Variants in SMC6 observed in about 807,000 individuals in gnomAD.
The protein encoded by SMC6 is structural maintenance of chromosomes 6, also known as structural maintenance of chromosomes protein 6.
Under a neutral mutation model 142.2 loss-of-function variants are expected in SMC6, and 79 were observed. The ratio of observed to expected loss-of-function variants is 0.56; its 90% confidence interval spans 0.46 to 0.67. SMC6 has a LOEUF of 0.67. SMC6 is among the 30% of genes least tolerant of loss of function. The probability of loss-of-function intolerance (pLI) is 0.00; values close to 1 mark genes in which losing one functional copy is unlikely to be tolerated. For missense variants in SMC6, 1,072 were observed against 1,284.0 expected (o/e 0.83, Z 2.52); for synonymous variants, 411 against 412.4 (o/e 1.00, Z 0.04).
chr2:17,734,834 T>C (rs1326417748), intron 5 of SMC6, among the ~76,000 whole-genome samples: 4 of 152,070 alleles, frequency 2.6e-5, no homozygotes, highest in African/African-American at 7.2e-5. Context: ...CAGGTTCAAA[T>C]GATTCTCCTG....
intron 25 of SMC6, among the ~76,000 whole-genome samples, chr2:17,673,720 C>A (rs964016494): frequency 5.3e-5 from 8 of 151,606 alleles, no homozygotes; most frequent in Non-Finnish European, 1.2e-4. Context: ...CAGGCATGTG[C>A]CACCATGCCC....
At chr2:17,685,899 T>C (rs1558333343) in intron 23 of SMC6, among the ~76,000 whole-genome samples, 2 of 151,960 alleles carry the variant, frequency 1.3e-5, no homozygotes, top group South Asian at 2.1e-4. Flanking sequence ...TATCTATATA[T>C]ATATATGTTA....
intron 24 of SMC6, 80 bp from the exon 25 acceptor site, chr2:17,679,044 G>A (rs1667127642): frequency 1.1e-6 from 1 of 882,004 alleles, no homozygotes; most frequent in Non-Finnish European, 1.7e-6. Flanking sequence ...CTAAGCATGT[G>A]AGAAAACCAG....
intron 23 of SMC6, among the ~76,000 whole-genome samples, chr2:17,684,754 A>T (rs1329678005): frequency 6.6e-6 from 1 of 152,144 alleles, no homozygotes; most frequent in African/African-American, 2.4e-5. Context: ...TGAACCCAGA[A>T]GTTCAAGGCT....
chr2:17,665,434 A>T lies in SMC6; in HGVS notation c.*65T>A. The stretch of plus-strand genomic sequence containing the variant: ...CCAGTCTCATTTTATTATATCAAAG[A>T]GTCCAGAATTTTTTTTCCCTTCACA... On this transcript the variant is annotated 3_prime_UTR_variant, in exon 28 of 28. Coordinates refer to ENST00000448223, the MANE Select transcript of SMC6 (RefSeq NM_001142286.2). 1 of 1,010,816 alleles carries T rather than the reference A, an allele frequency of 9.9e-7. No homozygotes were observed. Among genetic ancestry groups the T allele is most frequent in the South Asian group, 1.8e-5 (1 of 54,322 alleles). The allele number at this position is 1,010,816 out of a possible 1,614,324, so 62.6% of individuals were successfully genotyped here.
chr2:17,698,804 T>C (rs1668130871), intron 21 of SMC6, among the ~76,000 whole-genome samples: 1 of 152,110 alleles, frequency 6.6e-6, no homozygotes, highest in South Asian at 2.1e-4. Context: ...AAGGATTCCA[T>C]CTCGATTTAT....
chr2:17,684,409 C>G (rs960575135), intron 23 of SMC6, among the ~76,000 whole-genome samples: 1 of 152,112 alleles, frequency 6.6e-6, no homozygotes, highest in Non-Finnish European at 1.5e-5. Flanking sequence ...GGCACAGCAT[C>G]CAGATATTTA....
intron 16 of SMC6, chr2:17,713,495 G>A (rs1188860548): frequency 2.1e-6 from 1 of 471,132 alleles, no homozygotes; most frequent in East Asian, 6.9e-5. Context: ...TGCCAGCAAG[G>A]CAGTGCCAGG....
At chr2:17,666,702 G>A (rs771485488) in intron 26 of SMC6, among the ~76,000 whole-genome samples, 185 bp from the exon 27 acceptor site, 2 of 152,114 alleles carry the variant, frequency 1.3e-5, no homozygotes, top group African/African-American at 4.8e-5. Flanking sequence ...GAGAAAATTG[G>A]CTGGGTGCAG....
At chr2:17,674,841 T>G (rs1164295327) in intron 25 of SMC6, among the ~76,000 whole-genome samples, 6 of 152,148 alleles carry the variant, frequency 3.9e-5, no homozygotes, top group Non-Finnish European at 7.4e-5. Context: ...CCAGCTTCCC[T>G]TTGGCTAATG....
intron 5 of SMC6, among the ~76,000 whole-genome samples, chr2:17,734,095 C>T (rs566004728): frequency 4.5e-4 from 68 of 152,120 alleles, no homozygotes; most frequent in African/African-American, 1.6e-3. Flanking sequence ...AGGAGAGTTG[C>T]AGAACAAACC....
chr2:17,735,462 A>G (rs1175030506), intron 5 of SMC6, among the ~76,000 whole-genome samples: 2 of 152,258 alleles, frequency 1.3e-5, no homozygotes, highest in South Asian at 4.1e-4. Context: ...CTCATCTGTA[A>G]TAAGTTCTGT....
chr2:17,715,874 TC>T (rs1669060568), intron 15 of SMC6, among the ~76,000 whole-genome samples: 1 of 152,192 alleles, frequency 6.6e-6, no homozygotes, highest in African/African-American at 2.4e-5. Context: ...AAGAATCAAA[TC>T]ATTCAACTCT....
Position 17,745,813 on chromosome 2 carries a change from A to C in SMC6, c.120+14T>G, listed in dbSNP as rs1395557602. 1 of 1,590,472 alleles carries C rather than the reference A, an allele frequency of 6.3e-7. No homozygotes were observed. Among genetic ancestry groups the C allele is most frequent in the East Asian group, 2.3e-5 (1 of 44,058 alleles). The stretch of plus-strand genomic sequence containing the variant: ...AACATATCAAAAAGCATAATTTTGT[A>C]ATTTTTCGCTTACCAAAGTAGTACC... On this transcript the variant is annotated intron_variant, in intron 3 of 27. Coordinates refer to ENST00000448223, the MANE Select transcript of SMC6 (RefSeq NM_001142286.2).
intron 2 of SMC6, among the ~76,000 whole-genome samples, chr2:17,749,589 G>A (rs1670921595): frequency 6.6e-6 from 1 of 152,152 alleles, no homozygotes; most frequent in South Asian, 2.1e-4. Context: ...TCAGGAGGCT[G>A]AGGCAGAAGA....
chr2:17,725,290 T>G lies in SMC6; in HGVS notation c.693A>C (p.Glu231Asp). Reference protein sequence around the residue: ...EDYSYIMETKERTKEQIHQGE... With the variant: ...EDYSYIMETKDRTKEQIHQGE... The stretch of plus-strand genomic sequence containing the variant: ...CTTGATGTATCTGCTCCTTTGTTCT[T>G]TCTTTCGTTTCCATAATGTATGAAT... The change falls in exon 9 of 28, where the codon GAA becomes GAC. Residue 231 changes from glutamate (E) to aspartate (D), a missense_variant. Coordinates refer to ENST00000448223, the MANE Select transcript of SMC6 (RefSeq NM_001142286.2). 1 of 1,608,836 alleles carries G rather than the reference T, an allele frequency of 6.2e-7. No homozygotes were observed. The highest frequency in any genetic ancestry group is 8.5e-7 in the Non-Finnish European group (1 of 1,178,834).
intron 24 of SMC6, 50 bp downstream of exon 24, chr2:17,683,588 G>A: frequency 6.7e-7 from 1 of 1,483,268 alleles, no homozygotes. Context: ...TATGAAAACA[G>A]AGAAACACAA....
rs533189273 is a variant in SMC6, at chr2:17,673,291, T to C, written c.2911-2716A>G. ...AATTCTAGGTAAGTCTTTTGTTGCA[T>C]GTATGCATCACAAATATCTTTTCCT... is the stretch of plus-strand genomic sequence containing the variant. On this transcript the variant is annotated intron_variant, in intron 25 of 27. Transcript: ENST00000448223. 1.9e-4 allele frequency among the ~76,000 whole-genome samples: 29 copies of C among 152,318 alleles called. No homozygotes were observed. In the South Asian group the frequency reaches 3.9e-3, roughly 21 times the overall value.
intron 23 of SMC6, among the ~76,000 whole-genome samples, chr2:17,687,614 A>C (rs1270321195): frequency 6.6e-6 from 1 of 152,196 alleles, no homozygotes; most frequent in Non-Finnish European, 1.5e-5. Flanking sequence ...AGAAAATAAA[A>C]AAGAACTGTT....
Sources: allele counts gnomAD v4.1 joint callset (sites outside exome capture counted in the v4.1 genomes callset), GRCh38; gene constraint gnomAD v4.1.1; transcripts MANE v1.5; gene names NCBI Gene and HGNC (gene_info 2026-07-23, HGNC 2026-07-21).